UBA5: variants seen among roughly 807,000 people sequenced by gnomAD.
UBA5 encodes ubiquitin like modifier activating enzyme 5, also known as ubiquitin-like modifier-activating enzyme 5.
A neutral mutation model predicts 52.9 loss-of-function variants in UBA5; 28 were observed. That is an observed-to-expected ratio of 0.53 (90% confidence interval 0.39 to 0.73). The LOEUF is 0.73. Among genes scored for constraint, UBA5 ranks in the 30% least tolerant of loss-of-function variants. The pLI is 0.00. For missense variants in UBA5, 388 were observed against 492.7 expected (o/e 0.79, Z 2.01); for synonymous variants, 135 against 162.1 (o/e 0.83, Z 1.27).
chr3:132,660,754 G>C lies in UBA5; in HGVS notation c.161+56G>C, dbSNP rs1266206692. 66 of 1,469,568 alleles carry C rather than the reference G, an allele frequency of 4.5e-5. No individual in the cohort carries two copies. Among genetic ancestry groups the C allele is most frequent in the Non-Finnish European group, 6.0e-5 (66 of 1,106,044 alleles). 91.0% of individuals were successfully genotyped at this position (1,469,568 alleles called of 1,614,324 possible). A position where few individuals can be genotyped will look rare whatever the true frequency, so the allele number is the denominator to read the frequency against. On this transcript the variant is annotated intron_variant, in intron 1 of 11. Transcript: ENST00000356232. The surrounding 1 kb of genome is among the most constrained non-coding windows in gnomAD (Gnocchi z 4.1). ...CGGGGGACGAGGTCAGGCTCCGTGA[G>C]GTCAGAAGTGAGGCGCTTCCCACGT...
chr3:132,660,470 CGAG>C lies in UBA5; in HGVS notation c.-67_-65del. The C allele has an allele frequency of 1.3e-6, 2 of 1,534,116 alleles. No homozygotes were observed. Among genetic ancestry groups the C allele is most frequent in the Non-Finnish European group, 1.8e-6 (2 of 1,142,404 alleles). ...CCCACGTACCCCTCGCGGGCCCAGC[CGAG>C]CAACGTGGGGCGAAGGCGGCGGCGA... On this transcript the variant is annotated 5_prime_UTR_variant, in exon 1 of 12. Coordinates refer to ENST00000356232, the MANE Select transcript of UBA5 (RefSeq NM_024818.6). This position sits in a 1 kb window ranked among gnomAD's most constrained non-coding sequence, Gnocchi z 4.1.
At chr3:132,671,461 AGAT>A (rs1938597697) in intron 6 of UBA5, among the ~76,000 whole-genome samples, 1 of 152,176 alleles carries the variant, frequency 6.6e-6, no homozygotes, top group African/African-American at 2.4e-5. Context: ...TTAACTTTTC[AGAT>A]GATATTTTGG....
At position 132,661,606 on chromosome 3, in the gene UBA5, G is replaced by A. The variant is rs1319957100; in HGVS notation, c.161+908G>A. On this transcript the variant is annotated intron_variant, in intron 1 of 11. Coordinates refer to ENST00000356232, the MANE Select transcript of UBA5 (RefSeq NM_024818.6). ...TATTTTACCCCCATTATATAAGTGA[G>A]AAAATTGAGGCTTAGAGAGCCACCT... 3.3e-5 allele frequency among the ~76,000 whole-genome samples: 5 copies of A among 152,148 alleles called. No individual in the cohort carries two copies. In the East Asian group the frequency reaches 9.6e-4, roughly 29 times the overall value.
rs574410589 is a variant in UBA5, at chr3:132,660,600, G to A, written c.63G>A (p.Gln21=). 2 of 1,554,996 alleles carry A rather than the reference G, an allele frequency of 1.3e-6. No individual in the cohort carries two copies. The highest frequency in any genetic ancestry group is 3.9e-5 in the Admixed American group (2 of 51,318). The change falls in exon 1 of 12, where the codon CAG becomes CAA. Residue 21 remains glutamine, a synonymous_variant. Coordinates refer to ENST00000356232, the MANE Select transcript of UBA5 (RefSeq NM_024818.6). The surrounding 1 kb of genome is among the most constrained non-coding windows in gnomAD (Gnocchi z 4.1). ...RVQELERELA[Q]ERSLQVPRSG... is the part of the protein sequence containing the mutation. ...AGGAGCTGGAGCGGGAACTTGCCCA[G>A]GAGAGGAGTCTGCAGGTCCCGAGGA...
rs1201713873 is a variant in UBA5 at position 132,678,471 on chromosome 3, G to T, written c.*1945G>T. The stretch of plus-strand genomic sequence containing the variant: ...TTGGCTTAGCACAGAGACTCTAAAT[G>T]ATAGTAAAACAACATATTCAACTTT... On this transcript the variant is annotated 3_prime_UTR_variant, in exon 12 of 12. Coordinates refer to ENST00000356232, the MANE Select transcript of UBA5 (RefSeq NM_024818.6). Among the ~76,000 whole-genome samples, 1 of 152,124 alleles carries T rather than the reference G, an allele frequency of 6.6e-6. No individual in the cohort carries two copies. Among genetic ancestry groups the T allele is most frequent in the African/African-American group, 2.4e-5 (1 of 41,406 alleles).
chr3:132,671,400 C>T (rs1050525472), intron 6 of UBA5, among the ~76,000 whole-genome samples: 2 of 151,984 alleles, frequency 1.3e-5, no homozygotes, highest in Non-Finnish European at 2.9e-5. Flanking sequence ...TATAAATTGC[C>T]TGAAAACCTG....
rs761901685 is a variant in UBA5, at chr3:132,678,340, G to A, written c.*1814G>A. Among the ~76,000 whole-genome samples the A allele has an allele frequency of 3.3e-5, 5 of 152,078 alleles. No homozygotes were observed. The highest frequency in any genetic ancestry group is 4.4e-5 in the Non-Finnish European group (3 of 68,020). On this transcript the variant is annotated 3_prime_UTR_variant, in exon 12 of 12. Coordinates refer to ENST00000356232, the MANE Select transcript of UBA5 (RefSeq NM_024818.6). Reference sequence around the variant, plus strand: ...CTTGCATAAGAAGGCAGCTGATTACGAAAAATTAATCATCATTGAATTTAG... The same window carrying A: ...CTTGCATAAGAAGGCAGCTGATTACAAAAAATTAATCATCATTGAATTTAG...
chr3:132,676,708 T>A lies in UBA5; in HGVS notation c.*182T>A. 1.6e-6 allele frequency: 1 copy of A among 610,244 alleles called. No homozygotes were observed. 37.8% of individuals were successfully genotyped at this position (610,244 alleles called of 1,614,324 possible). ...TCCCCGCTCCAACGAAATCATTAAC[T>A]CTCCTAAAATGTGTTTCATTCTAGT... is the stretch of plus-strand genomic sequence containing the variant. On this transcript the variant is annotated 3_prime_UTR_variant, in exon 12 of 12. Coordinates refer to ENST00000356232, the MANE Select transcript of UBA5 (RefSeq NM_024818.6). This position sits in a 1 kb window ranked among gnomAD's most constrained non-coding sequence, Gnocchi z 4.1.
In UBA5 at chr3:132,678,539, C is replaced by T. The variant is rs920000611; in HGVS notation, c.*2013C>T. On this transcript the variant is annotated 3_prime_UTR_variant, in exon 12 of 12. Coordinates refer to ENST00000356232, the MANE Select transcript of UBA5 (RefSeq NM_024818.6). ...TAATGGGAAGTTAGTTATGGTTCTA[C>T]TTAAATGTTGTAGAGAAAATAAGTA... Among the ~76,000 whole-genome samples the T allele has an allele frequency of 4.6e-5, 7 of 152,142 alleles. No individual in the cohort carries two copies. Among genetic ancestry groups the T allele is most frequent in the African/African-American group, 1.7e-4 (7 of 41,424 alleles).
At chr3:132,658,089 C>T (rs1433003386), upstream of UBA5, among the ~76,000 whole-genome samples, 1 of 152,088 alleles carries the variant, frequency 6.6e-6, no homozygotes, top group Non-Finnish European at 1.5e-5. Context: ...TCTTGAACTC[C>T]TGACCTCAAG....
chr3:132,671,820 G>A lies in UBA5; in HGVS notation c.623G>A (p.Ser208Asn). 1.2e-6 allele frequency: 2 copies of A among 1,613,828 alleles called. No individual in the cohort carries two copies. Among genetic ancestry groups the A allele is most frequent in the Non-Finnish European group, 1.7e-6 (2 of 1,179,850 alleles). The change falls in exon 7 of 12, where the codon AGT (serine) becomes AAT (asparagine). Residue 208 changes from serine to asparagine, a missense_variant. Ser to Asn is a conservative substitution (Grantham distance 46). Transcript: ENST00000356232. ...LGQTWMESGV[S>N]ENAVSGHIQL... ...CAAACATGGATGGAATCTGGGGTCAGTGAAAATGCAGTTTCAGGGCATATA... is the reference window on the plus strand; with the variant it reads ...CAAACATGGATGGAATCTGGGGTCAATGAAAATGCAGTTTCAGGGCATATA...
In UBA5 at chr3:132,660,574, C is replaced by T. The variant is rs1182139618; in HGVS notation, c.37C>T (p.Gln13Ter). 1 of 1,551,116 alleles carries T rather than the reference C, an allele frequency of 6.4e-7. No homozygotes were observed. Among genetic ancestry groups the T allele is most frequent in the Admixed American group, 2.0e-5 (1 of 51,060 alleles). The part of the protein sequence containing the change: ...ESVERLQQRV[Q>*]ELERELAQER... ...TGTGGAGCGCCTGCAGCAGCGGGTC[C>T]AGGAGCTGGAGCGGGAACTTGCCCA... Residue 13 changes from glutamine (Q) to a stop codon, truncating the protein, a stop_gained, in exon 1 of 12, where the codon CAG becomes TAG. Coordinates refer to ENST00000356232, the MANE Select transcript of UBA5 (RefSeq NM_024818.6). LOFTEE classifies it high-confidence loss of function. This position sits in a 1 kb window ranked among gnomAD's most constrained non-coding sequence, Gnocchi z 4.1.
rs557242510 is a variant in UBA5, at chr3:132,678,182, C to T, written c.*1656C>T. The T allele has an allele frequency of 6.6e-6, 1 of 152,156 alleles. No individual in the cohort carries two copies. Among genetic ancestry groups the T allele is most frequent in the African/African-American group, 2.4e-5 (1 of 41,496 alleles). 9.4% of individuals were successfully genotyped at this position (152,156 alleles called of 1,614,324 possible). On this transcript the variant is annotated 3_prime_UTR_variant, in exon 12 of 12. Coordinates refer to ENST00000356232, the MANE Select transcript of UBA5 (RefSeq NM_024818.6). ...GTGTCTTACACTGCACCAAATGTTA[C>T]CTAATTGACCTAACTTTTTTTGTCT...
chr3:132,676,987 CTTTCTA>C lies in UBA5; in HGVS notation c.*463_*468del, dbSNP rs1938867835. ...CATCTGCTCATTATGTTTGGAATTG[CTTTCTA>C]TAAGAAAATTGCCCACTACTACTAA... On this transcript the variant is annotated 3_prime_UTR_variant, in exon 12 of 12. Transcript: ENST00000356232. The surrounding 1 kb of genome is among the most constrained non-coding windows in gnomAD (Gnocchi z 4.1). 1 of 376,868 alleles carries C rather than the reference CTTTCTA, an allele frequency of 2.7e-6. No homozygotes were observed. The highest frequency in any genetic ancestry group is 2.1e-5 in the African/African-American group (1 of 47,830). 23.3% of individuals were successfully genotyped at this position (376,868 alleles called of 1,614,324 possible).
At chr3:132,665,668 C>A in intron 1 of UBA5, 155 bp from the exon 2 acceptor site, 1 of 671,312 alleles carries the variant, frequency 1.5e-6, no homozygotes, top group South Asian at 2.1e-5. Flanking sequence ...AATTTAGTTT[C>A]ATCTGGTAAA....
intron 1 of UBA5, among the ~76,000 whole-genome samples, chr3:132,662,210 C>T (rs1938199920): frequency 6.6e-5 from 10 of 152,160 alleles, no homozygotes; most frequent in Admixed American, 6.5e-4. Context: ...AATTGCTATA[C>T]AGGAGATGGC....
Position 132,670,778 on chromosome 3 carries a change from T to G in UBA5, c.495-187T>G, listed in dbSNP as rs992745193. The G allele has an allele frequency of 1.2e-5, 5 of 402,584 alleles. No homozygotes were observed. The Admixed American group carries it at 2.0e-4, about 16-fold the overall frequency. The allele number at this position is 402,584 out of a possible 1,614,324, so 24.9% of individuals were successfully genotyped here. A position where few individuals can be genotyped will look rare whatever the true frequency, so the allele number is the denominator to read the frequency against. ...ATACTACAATGATACTGTAGTATCATTGATGTTATATTCATAAGTTACTCA... is the reference window on the plus strand; with the variant it reads ...ATACTACAATGATACTGTAGTATCAGTGATGTTATATTCATAAGTTACTCA... On this transcript the variant is annotated intron_variant, in intron 5 of 11. Transcript: ENST00000356232.
In UBA5 at chr3:132,679,781, G is replaced by A. The variant is rs1037012459; in HGVS notation, c.*3255G>A. Among the ~76,000 whole-genome samples the A allele has an allele frequency of 4.6e-5, 7 of 151,896 alleles. No individual in the cohort carries two copies. The highest frequency in any genetic ancestry group is 8.8e-5 in the Non-Finnish European group (6 of 68,022). On this transcript the variant is annotated 3_prime_UTR_variant, in exon 12 of 12. Coordinates refer to ENST00000356232, the MANE Select transcript of UBA5 (RefSeq NM_024818.6). ...AATAATCAAATTCTAAGCTCTAACA[G>A]CTTAATTCTAAAATCATTGTCTGGT...
At chr3:132,663,816 C>A (rs144268030) in intron 1 of UBA5, among the ~76,000 whole-genome samples, 58 of 152,138 alleles carry the variant, frequency 3.8e-4, no homozygotes, top group African/African-American at 1.3e-3. Flanking sequence ...AACACATCCC[C>A]CTAAATTATC....
Sources: allele counts gnomAD v4.1 joint callset (sites outside exome capture counted in the v4.1 genomes callset), GRCh38; gene constraint gnomAD v4.1.1; non-coding constraint Gnocchi (gnomAD v3.1); transcripts MANE v1.5; gene names NCBI Gene and HGNC (gene_info 2026-07-23, HGNC 2026-07-21).